RALGAPA1: variants seen among roughly 807,000 people sequenced by gnomAD.
RALGAPA1 encodes ral GTPase-activating protein subunit alpha-1.
A neutral mutation model predicts 269.6 loss-of-function variants in RALGAPA1; 52 were observed. The observed-to-expected ratio is 0.19, with a 90% CI of 0.15 to 0.24. RALGAPA1 has a LOEUF of 0.24. Among genes scored for constraint, RALGAPA1 ranks in the 10% least tolerant of loss-of-function variants. The pLI is 1.00. For synonymous variants in RALGAPA1, 817 were observed against 1,008.3 expected (o/e 0.81, Z 3.60); for missense variants, 1,917 against 3,013.9 (o/e 0.64, Z 8.52).
intron 6 of RALGAPA1, among the ~76,000 whole-genome samples, chr14:35,759,553 A>T (rs1405428927): frequency 6.6e-6 from 1 of 152,072 alleles, no homozygotes; most frequent in African/African-American, 2.4e-5. Flanking sequence ...AACTTATTTA[A>T]ATAACAGGAT....
intron 22 of RALGAPA1, among the ~76,000 whole-genome samples, chr14:35,675,217 C>T (rs1033980130): frequency 6.6e-6 from 1 of 152,184 alleles, no homozygotes; most frequent in Non-Finnish European, 1.5e-5. Flanking sequence ...GCACTCTCTC[C>T]CAGGCTGGAG....
At chr14:35,758,423 G>T (rs1055008715) in intron 6 of RALGAPA1, among the ~76,000 whole-genome samples, 5 of 151,978 alleles carry the variant, frequency 3.3e-5, no homozygotes, top group African/African-American at 1.2e-4. Context: ...CCATAAAGAC[G>T]TCTTAGTCTC....
At position 35,600,264 on chromosome 14, in the gene RALGAPA1, T is replaced by G. The variant is rs568550882; in HGVS notation, c.7054-4475A>C. Among the ~76,000 whole-genome samples the G allele has an allele frequency of 2.1e-5, 3 of 143,834 alleles. No homozygotes were observed. The South Asian group carries it at 7.0e-4, about 34-fold the overall frequency. 94.4% of individuals were successfully genotyped at this position (143,834 alleles called of 152,430 possible). On this transcript the variant is annotated intron_variant, in intron 36 of 41. Transcript: ENST00000680220. The stretch of plus-strand genomic sequence containing the variant: ...TTTTTTTTTTTGAGACAGGGTCTGC[T>G]CTATCACCCAGGCTGGAGAGCAGTG...
At chr14:35,580,520 C>T (rs958695981) in intron 37 of RALGAPA1, among the ~76,000 whole-genome samples, 4 of 152,108 alleles carry the variant, frequency 2.6e-5, no homozygotes, top group Non-Finnish European at 5.9e-5. Context: ...AGAAACTTAG[C>T]TAAACTGAAT....
At chr14:35,615,096 G>T (rs1594821345) in intron 35 of RALGAPA1, among the ~76,000 whole-genome samples, 1 of 152,030 alleles carries the variant, frequency 6.6e-6, no homozygotes, top group African/African-American at 2.4e-5. Flanking sequence ...CCACAATAGT[G>T]AATAATGAGG....
chr14:35,574,414 C>T (rs889372316), intron 37 of RALGAPA1, among the ~76,000 whole-genome samples: 1 of 152,148 alleles, frequency 6.6e-6, no homozygotes, highest in African/African-American at 2.4e-5. Context: ...AAAAGAACAA[C>T]ATATTTTTGC....
chr14:35,740,923 G>T (rs1181661298), intron 11 of RALGAPA1, among the ~76,000 whole-genome samples: 1 of 152,038 alleles, frequency 6.6e-6, no homozygotes, highest in East Asian at 1.9e-4. Context: ...CTTATATATT[G>T]AATTTATCAG....
chr14:35,659,145 G>A lies in RALGAPA1; in HGVS notation c.5380C>T (p.Pro1794Ser). Residue 1794 changes from proline to serine, a missense_variant, in exon 28 of 42, where the codon CCT becomes TCT. By Grantham distance (74) the Pro-to-Ser change is moderately conservative (BLOSUM62 -1). Transcript: ENST00000680220. ...LSSARDEPSG[P>S]ARCVALCSLG... ...TAAGAATATCCGACCTACCGTGCAGGACCAGAGGGCTCATCTCTTGCCGAG... is the reference window on the plus strand; with the variant it reads ...TAAGAATATCCGACCTACCGTGCAGAACCAGAGGGCTCATCTCTTGCCGAG... The A allele has an allele frequency of 1.2e-6, 2 of 1,608,958 alleles. No homozygotes were observed. Among genetic ancestry groups the A allele is most frequent in the Non-Finnish European group, 1.7e-6 (2 of 1,177,132 alleles).
intron 36 of RALGAPA1, among the ~76,000 whole-genome samples, chr14:35,602,773 G>A (rs2139147155): frequency 6.6e-6 from 1 of 152,206 alleles, no homozygotes; most frequent in Admixed American, 6.5e-5. Flanking sequence ...ATCTGGTTTT[G>A]TCTTTGTTGC....
At chr14:35,695,928 A>G (rs886323523) in intron 17 of RALGAPA1, among the ~76,000 whole-genome samples, 1 of 152,212 alleles carries the variant, frequency 6.6e-6, no homozygotes, top group Non-Finnish European at 1.5e-5. Context: ...GAAGCCAAGG[A>G]GTGTACTTGC....
chr14:35,735,522 G>T (rs907653373), intron 12 of RALGAPA1, among the ~76,000 whole-genome samples: 1 of 152,066 alleles, frequency 6.6e-6, no homozygotes, highest in Non-Finnish European at 1.5e-5. Flanking sequence ...GGACACAAAG[G>T]CATGAGAATG....
intron 41 of RALGAPA1, among the ~76,000 whole-genome samples, chr14:35,540,389 CT>C (rs1444283346): frequency 4.6e-5 from 7 of 152,162 alleles, no homozygotes; most frequent in African/African-American, 1.7e-4. Context: ...TTAACTTAAA[CT>C]TTTGCAGGTA....
intron 16 of RALGAPA1, among the ~76,000 whole-genome samples, chr14:35,711,972 C>T (rs929029965): frequency 3.9e-5 from 6 of 152,176 alleles, no homozygotes; most frequent in African/African-American, 1.2e-4. Context: ...AAAGGCTGGG[C>T]GCGGTGGCTC....
At chr14:35,557,349 TTAAG>T (rs1228096885) in intron 39 of RALGAPA1, among the ~76,000 whole-genome samples, 2 of 151,408 alleles carry the variant, frequency 1.3e-5, no homozygotes, top group African/African-American at 2.4e-5. Flanking sequence ...GTACAATTAC[TTAAG>T]TGTTATCTCT....
chr14:35,794,343 T>G (rs1162139715), intron 1 of RALGAPA1, among the ~76,000 whole-genome samples: 1 of 152,092 alleles, frequency 6.6e-6, no homozygotes, highest in Non-Finnish European at 1.5e-5. Context: ...TCTATATATA[T>G]GCACACACAC....
At chr14:35,769,490 C>T (rs1480543071) in intron 4 of RALGAPA1, among the ~76,000 whole-genome samples, 2 of 152,084 alleles carry the variant, frequency 1.3e-5, no homozygotes, top group East Asian at 1.9e-4. Context: ...CTATGTTCAC[C>T]ACCTGGGTGA....
At position 35,751,903 on chromosome 14, in the gene RALGAPA1, A is replaced by G; in HGVS notation, c.802+121T>C. The G allele has an allele frequency of 2.9e-6, 4 of 1,380,010 alleles. No homozygotes were observed. In the East Asian group the frequency reaches 1.1e-4, roughly 38 times the overall value. 85.5% of individuals were successfully genotyped at this position (1,380,010 alleles called of 1,614,324 possible). On this transcript the variant is annotated intron_variant, in intron 8 of 41. Transcript: ENST00000680220. ...CAGTATGAATCTAGGTATCATATCT[A>G]TACCAACCAATACAAGTATTAAATA...
intron 13 of RALGAPA1, among the ~76,000 whole-genome samples, chr14:35,727,955 T>C (rs2141010701): frequency 6.6e-6 from 1 of 152,326 alleles, no homozygotes; most frequent in Middle Eastern, 3.4e-3. Flanking sequence ...ACAGGAAAAG[T>C]AGGCAGGGCC....
At chr14:35,740,492 C>G (rs1233152884) in intron 11 of RALGAPA1, among the ~76,000 whole-genome samples, 4 of 152,206 alleles carry the variant, frequency 2.6e-5, no homozygotes, top group Non-Finnish European at 5.9e-5. Context: ...AAATGTCTCA[C>G]AGATGCTATG....
Sources: gnomAD v4.1 joint callset for allele counts (sites outside exome capture counted in the v4.1 genomes callset) on GRCh38, gnomAD v4.1.1 for gene constraint, MANE v1.5 for transcripts, NCBI Gene and HGNC (gene_info 2026-07-23, HGNC 2026-07-21) for gene names.